The following PLB1 variants were observed in gnomAD, a reference collection of about 807,000 sequenced individuals.
PLB1 encodes phospholipase B1, also known as phospholipase B1, membrane-associated.
A neutral mutation model predicts 227.4 loss-of-function variants in PLB1; 242 were observed. The ratio of observed to expected loss-of-function variants is 1.06; its 90% CI spans 0.96 to 1.18. PLB1 has a LOEUF of 1.18. PLB1 is among the 50% of genes most tolerant of loss of function. The pLI is 0.00. For synonymous variants in PLB1, 757 were observed against 682.2 expected, an observed-to-expected ratio of 1.11 and a Z score of -1.71; for missense variants, 1,858 against 1,816.3, an observed-to-expected ratio of 1.02 and a Z score of -0.42.
chr2:28,555,048 C>T (rs986853362), intron 17 of PLB1, among the ~76,000 whole-genome samples: 3 of 151,762 alleles, frequency 2.0e-5, no homozygotes, highest in African/African-American at 7.3e-5. Context: ...TGGGCCTGCA[C>T]TTCTGAGTCT....
chr2:28,630,564 T>C lies in PLB1; in HGVS notation c.3819-22T>C, dbSNP rs141549258. Reference sequence around the variant, plus strand: ...GCCACAGTGCCCCAGGCAGCCTCAATACAACACTCCCTGTCTCACAGGAAC... The same window carrying C: ...GCCACAGTGCCCCAGGCAGCCTCAACACAACACTCCCTGTCTCACAGGAAC... On this transcript the variant is annotated intron_variant, in intron 53 of 57. Transcript: ENST00000327757. The C allele has an allele frequency of 6.7e-4, 1,074 of 1,608,952 alleles. 8 individuals are homozygous for C. The African/African-American group carries it at 0.012, about 18-fold the overall frequency.
intron 8 of PLB1, among the ~76,000 whole-genome samples, chr2:28,531,000 C>T (rs958627248): frequency 1.2e-4 from 19 of 152,188 alleles, no homozygotes; most frequent in African/African-American, 3.9e-4. Context: ...CAAGTTCACA[C>T]GGCTAATTAG....
At chr2:28,530,656 C>T (rs779615335) in intron 8 of PLB1, among the ~76,000 whole-genome samples, 1 of 152,158 alleles carries the variant, frequency 6.6e-6, no homozygotes, top group Non-Finnish European at 1.5e-5. Context: ...TTTGTGTTGC[C>T]CTTATGGGCA....
chr2:28,507,626 T>G (rs1667777965), intron 1 of PLB1, among the ~76,000 whole-genome samples: 1 of 152,154 alleles, frequency 6.6e-6, no homozygotes, highest in Admixed American at 6.5e-5. Context: ...ATGAGGAAGT[T>G]GAAGAAAATG....
chr2:28,533,387 C>T (rs772387322), intron 9 of PLB1, among the ~76,000 whole-genome samples: 31 of 152,194 alleles, frequency 2.0e-4, no homozygotes, highest in Non-Finnish European at 1.8e-4. Context: ...TTACGTGCCT[C>T]ATTTGTTCTC....
At chr2:28,591,292 C>T in intron 30 of PLB1, 121 bp downstream of exon 30, 1 of 1,241,928 alleles carries the variant, frequency 8.1e-7, no homozygotes, top group South Asian at 1.2e-5. Context: ...GCATAAAGGC[C>T]ACCCACCTGA....
intron 9 of PLB1, among the ~76,000 whole-genome samples, chr2:28,537,990 C>T (rs1408863883): frequency 1.3e-5 from 2 of 152,192 alleles, no homozygotes; most frequent in Admixed American, 6.5e-5. Flanking sequence ...GAGTAAGTCT[C>T]CTGTCCCTCA....
intron 21 of PLB1, among the ~76,000 whole-genome samples, chr2:28,576,142 G>A (rs920694104): frequency 3.3e-5 from 5 of 152,154 alleles, no homozygotes; most frequent in Admixed American, 6.5e-5. Flanking sequence ...TTTCATGCAA[G>A]CAATCCAAGC....
At chr2:28,535,307 A>G (rs1429293414) in intron 9 of PLB1, among the ~76,000 whole-genome samples, 2 of 152,198 alleles carry the variant, frequency 1.3e-5, no homozygotes, top group Admixed American at 1.3e-4. Flanking sequence ...TTCTTCTTCC[A>G]TCTTGATTTT....
At chr2:28,625,011 C>G (rs200040499) in intron 49 of PLB1, 46 bp from the exon 50 acceptor site, 840 of 1,581,952 alleles carry the variant, frequency 5.3e-4, no homozygotes, top group Non-Finnish European at 6.9e-4. Flanking sequence ...CGTGAGTCCT[C>G]GCTCCTGAGC....
intron 26 of PLB1, among the ~76,000 whole-genome samples, chr2:28,588,313 T>C (rs1183451588): frequency 1.3e-5 from 2 of 152,060 alleles, no homozygotes; most frequent in Non-Finnish European, 2.9e-5. Flanking sequence ...CATCCTCCAT[T>C]TACTAAAAGG....
intron 50 of PLB1, among the ~76,000 whole-genome samples, chr2:28,625,726 C>T (rs542982340): frequency 6.6e-6 from 1 of 152,176 alleles, no homozygotes; most frequent in African/African-American, 2.4e-5. Context: ...TAGCTGCATC[C>T]TTTGCCTACA....
intron 5 of PLB1, 103 bp downstream of exon 5, chr2:28,525,410 G>C: frequency 7.7e-7 from 1 of 1,305,180 alleles, no homozygotes; most frequent in Non-Finnish European, 1.1e-6. Flanking sequence ...GGGAGGCTCA[G>C]TGCCTTGCTC....
chr2:28,519,068 AC>A (rs1412262655), intron 3 of PLB1, among the ~76,000 whole-genome samples: 1 of 152,196 alleles, frequency 6.6e-6, no homozygotes, highest in Non-Finnish European at 1.5e-5. Flanking sequence ...AAATTGATGC[AC>A]TTTTAAGGAA....
chr2:28,616,101 G>A (rs984429947), intron 44 of PLB1, among the ~76,000 whole-genome samples: 1 of 152,216 alleles, frequency 6.6e-6, no homozygotes, highest in Non-Finnish European at 1.5e-5. Flanking sequence ...AGTAGAGATA[G>A]CAGAAATTGA....
chr2:28,512,196 G>T (rs765557831), intron 1 of PLB1, among the ~76,000 whole-genome samples: 7 of 149,450 alleles, frequency 4.7e-5, no homozygotes, highest in Non-Finnish European at 1.0e-4. Flanking sequence ...TTTTTCCTCT[G>T]TATTTTTTAG....
intron 51 of PLB1, 34 bp from the exon 52 acceptor site, chr2:28,628,529 A>G (rs375199505): frequency 1.6e-5 from 26 of 1,603,928 alleles, no homozygotes; most frequent in African/African-American, 2.7e-5. Context: ...AGCGGGCACC[A>G]GGGGCTAAAG....
At chr2:28,525,172 C>G in intron 4 of PLB1, 95 bp from the exon 5 acceptor site, 2 of 1,151,048 alleles carry the variant, frequency 1.7e-6, no homozygotes, top group South Asian at 1.3e-5. Flanking sequence ...CTCTTACTGG[C>G]AGGAGGGGGA....
Position 28,593,791 on chromosome 2 carries a change from C to A in PLB1, c.2321+37C>A, listed in dbSNP as rs192302857. 1,231 of 1,565,272 alleles carry A rather than the reference C, an allele frequency of 7.9e-4. 2 individuals are homozygous for A. The highest frequency in any genetic ancestry group is 1.0e-3 in the Non-Finnish European group (1,145 of 1,137,540). ...CTTTGACCTCTCCCAGCGTTCCCCC[C>A]ACAACAGAGATTAGGTGTGGCTTTG... On this transcript the variant is annotated intron_variant, in intron 33 of 57. Transcript: ENST00000327757.
Sources: allele counts gnomAD v4.1 joint callset (sites outside exome capture counted in the v4.1 genomes callset), GRCh38; gene constraint gnomAD v4.1.1; transcripts MANE v1.5; gene names NCBI Gene and HGNC (gene_info 2026-07-23, HGNC 2026-07-21).